The following CFAP74 variants were observed in gnomAD, a reference collection of about 807,000 sequenced individuals.
CFAP74 encodes the protein cilia- and flagella-associated protein 74.
In CFAP74, 124 loss-of-function variants were observed where a neutral mutation model predicts 188.9. The ratio of observed to expected loss-of-function variants is 0.66; its 90% CI spans 0.57 to 0.76. The LOEUF is 0.76. Ranked by LOEUF, CFAP74 falls within the 30% of genes least tolerant of loss-of-function variation. The pLI is 0.00. For synonymous variants in CFAP74, 956 were observed against 916.7 expected (o/e 1.04, Z -0.77); for missense variants, 2,198 against 2,165.2 (o/e 1.02, Z -0.30).
Position 1,925,928 on chromosome 1 carries a change from G to A in CFAP74, c.3959C>T (p.Thr1320Ile), listed in dbSNP as rs1651854937. 6.2e-7 allele frequency: 1 copy of A among 1,608,418 alleles called. No individual in the cohort carries two copies. Among genetic ancestry groups the A allele is most frequent in the Admixed American group, 1.7e-5 (1 of 59,214 alleles). The part of the protein sequence containing the change: ...SPHESILAQE[T>I]LDIITKRGTL... The stretch of plus-strand genomic sequence containing the variant: ...GCCTCTCTTGGTGATGATGTCCAGT[G>A]TTTCTTGAGCCTAAAGAGACCACAT... The change falls in exon 33 of 39, where the codon ACA becomes ATA. Residue 1320 changes from threonine to isoleucine, a missense_variant. Thr to Ile is a moderately conservative substitution (Grantham distance 89, BLOSUM62 -1). Coordinates refer to ENST00000682832, the MANE Select transcript of CFAP74 (RefSeq NM_001304360.2).
chr1:1,978,328 GA>G, intron 6 of CFAP74, among the ~76,000 whole-genome samples: 1 of 152,196 alleles, frequency 6.6e-6, no homozygotes, highest in East Asian at 1.9e-4. Flanking sequence ...CTGGACCTGG[GA>G]GGGGTGGTGG....
At chr1:1,959,258 GTGTTT>G (rs745602647) in intron 15 of CFAP74, 49 bp from the exon 16 acceptor site, 10 of 1,331,540 alleles carry the variant, frequency 7.5e-6, no homozygotes, top group African/African-American at 5.9e-5. Context: ...CAACTTTTGT[GTGTTT>G]TGTTTTTTTT....
intron 2 of CFAP74, 68 bp downstream of exon 2, chr1:1,990,822 A>G: frequency 7.4e-6 from 9 of 1,221,236 alleles, no homozygotes; most frequent in African/African-American, 3.0e-5. Flanking sequence ...TTAAAGGGCT[A>G]CTATGAAGCA....
At position 1,926,975 on chromosome 1, in the gene CFAP74, T is replaced by C. The variant is rs1329598867; in HGVS notation, c.3581A>G (p.Lys1194Arg). 6.5e-7 allele frequency: 1 copy of C among 1,550,278 alleles called. No homozygotes were observed. The change falls in exon 29 of 39, where the codon AAG (lysine) becomes AGG (arginine). Residue 1194 changes from lysine (K) to arginine (R), a missense_variant. Coordinates refer to ENST00000682832, the MANE Select transcript of CFAP74 (RefSeq NM_001304360.2). ...ACAGGGAACTACAAATGTGTCAAAC[T>C]TCGCCTGGAACGCTCTGAGCAGGGT... ...RATLLRAFQA[K>R]FDTFVVPCVV... is the part of the protein sequence containing the mutation.
At chr1:1,985,148 G>A in intron 6 of CFAP74, 1 of 467,006 alleles carries the variant, frequency 2.1e-6, no homozygotes, top group Non-Finnish European at 3.9e-6. Context: ...CGAGGAAAGA[G>A]GAAAAAGAAC....
At chr1:1,962,065 G>C (rs79466635) in intron 14 of CFAP74, among the ~76,000 whole-genome samples, 6,615 of 152,238 alleles carry the variant, frequency 0.043, 417 homozygotes, top group African/African-American at 0.14. Context: ...AACGCTCGCG[G>C]GAGTGGAAAC....
chr1:1,938,228 C>CA (rs1653065638), intron 25 of CFAP74, among the ~76,000 whole-genome samples: 1 of 151,192 alleles, frequency 6.6e-6, no homozygotes, highest in Non-Finnish European at 1.5e-5. Context: ...CACTCACAGT[C>CA]ACATGCTCAC....
chr1:1,937,190 C>A (rs1194093710), intron 25 of CFAP74, among the ~76,000 whole-genome samples: 1 of 152,232 alleles, frequency 6.6e-6, no homozygotes, highest in African/African-American at 2.4e-5. Context: ...AAGCACTGGG[C>A]ACCAAAGGCG....
At chr1:1,999,154 A>T (rs577949442) in intron 1 of CFAP74, among the ~76,000 whole-genome samples, 20 of 152,334 alleles carry the variant, frequency 1.3e-4, no homozygotes, top group African/African-American at 4.1e-4. Context: ...GCCCCACCAG[A>T]TATCAAGATT....
In CFAP74 at chr1:1,960,090, C is replaced by T; in HGVS notation, c.1695-60G>A. The T allele has an allele frequency of 2.1e-6, 3 of 1,444,098 alleles. No homozygotes were observed. In the South Asian group the frequency reaches 3.6e-5, roughly 17 times the overall value. The allele number at this position is 1,444,098 out of a possible 1,614,324, so 89.5% of individuals were successfully genotyped here. ...TGCTGCGGAGGGCAGACGCTCGCCT[C>T]ACCACCCAGAGCACAGTCAGGCTGG... On this transcript the variant is annotated intron_variant, in intron 14 of 38. Transcript: ENST00000682832.
At chr1:1,985,300 A>AG (rs1657161816) in intron 6 of CFAP74, 86 bp downstream of exon 6, 1 of 1,169,060 alleles carries the variant, frequency 8.6e-7, no homozygotes, top group South Asian at 1.2e-5. Flanking sequence ...AAAACCCCCC[A>AG]GATCTTGCTC....
chr1:1,998,461 G>A (rs1004370802), intron 1 of CFAP74, among the ~76,000 whole-genome samples: 1 of 152,166 alleles, frequency 6.6e-6, no homozygotes, highest in Admixed American at 6.5e-5. Flanking sequence ...AATGGGAGAG[G>A]AATGCTGTGA....
chr1:1,929,651 C>T (rs949052915), intron 26 of CFAP74, among the ~76,000 whole-genome samples: 2 of 151,942 alleles, frequency 1.3e-5, no homozygotes, highest in Non-Finnish European at 2.9e-5. Flanking sequence ...GAGCTTTCTG[C>T]TCTGCAGGAA....
At chr1:1,989,016 C>T in intron 2 of CFAP74, 43 bp from the exon 3 acceptor site, 1 of 967,658 alleles carries the variant, frequency 1.0e-6, no homozygotes, top group Non-Finnish European at 1.6e-6. Context: ...AAAAGCAGAT[C>T]AAACATTTGC....
intron 32 of CFAP74, 38 bp from the exon 33 acceptor site, chr1:1,925,976 T>C (rs766341196): frequency 1.3e-6 from 2 of 1,544,750 alleles, no homozygotes; most frequent in South Asian, 2.4e-5. Context: ...AACCGATGTC[T>C]GCTGGAGCCA....
intron 18 of CFAP74, chr1:1,955,154 A>C (rs563010961): frequency 3.9e-6 from 5 of 1,271,342 alleles, no homozygotes; most frequent in Admixed American, 2.4e-5. Context: ...GCACCACGCG[A>C]AGACAGACAG....
chr1:1,994,990 C>T (rs1657839275), intron 1 of CFAP74, among the ~76,000 whole-genome samples: 1 of 152,080 alleles, frequency 6.6e-6, no homozygotes, highest in African/African-American at 2.4e-5. Flanking sequence ...GAGAACAAAC[C>T]CGACGTCGCC....
Position 1,939,758 on chromosome 1 carries a change from C to T in CFAP74, c.2713G>A (p.Val905Met), listed in dbSNP as rs774867600. 22 of 1,535,688 alleles carry T rather than the reference C, an allele frequency of 1.4e-5. No individual in the cohort carries two copies. The highest frequency in any genetic ancestry group is 1.9e-5 in the Non-Finnish European group (22 of 1,146,536). ...ACAATGGCATGCACGGTGAATCCCA[C>T]TGGCTTGTTCTGAGACATAAAGGGC... ...TIWVADQNKPVGFTVHAIVTT... is the reference protein window; with the variant it reads ...TIWVADQNKPMGFTVHAIVTT... The change falls in exon 24 of 39, where the codon GTG (valine) becomes ATG (methionine). Residue 905 changes from valine (V) to methionine (M), a missense_variant. Transcript: ENST00000682832.
chr1:1,992,785 C>T (rs569419317), intron 1 of CFAP74, among the ~76,000 whole-genome samples: 2 of 151,782 alleles, frequency 1.3e-5, no homozygotes, highest in African/African-American at 2.4e-5. Context: ...AAAAACAATT[C>T]TTAAATAATT....
Sources: allele counts gnomAD v4.1 joint callset (sites outside exome capture counted in the v4.1 genomes callset), GRCh38; gene constraint gnomAD v4.1.1; transcripts MANE v1.5; gene names NCBI Gene and HGNC (gene_info 2026-07-23, HGNC 2026-07-21).